Variants in NCOR2 observed in about 807,000 individuals in gnomAD.
The protein encoded by NCOR2 is nuclear receptor corepressor 2.
NCOR2 carries 81 observed loss-of-function variants against 262.9 expected under a neutral mutation model. The observed-to-expected ratio is 0.31, with a 90% CI of 0.26 to 0.37. The LOEUF is 0.37. Among genes scored for constraint, NCOR2 ranks in the 10% least tolerant of loss-of-function variants. The pLI, the probability that NCOR2 is intolerant of heterozygous loss-of-function variation, is 1.00. For synonymous variants in NCOR2, 1,659 were observed against 1,559.3 expected (o/e 1.06, Z -1.51); for missense variants, 3,385 against 3,621.4 (o/e 0.93, Z 1.68).
intron 24 of NCOR2, 66 bp downstream of exon 26, chr12:124,355,366 G>A (rs1275890010): frequency 1.9e-6 from 3 of 1,566,362 alleles, no homozygotes; most frequent in Non-Finnish European, 2.6e-6. Context: ...GACTTCATTG[G>A]TCCCATTGCC....
intron 1 of NCOR2, among the ~76,000 whole-genome samples, chr12:124,491,583 ACT>A (rs2048086315): frequency 1.3e-5 from 2 of 152,172 alleles, no homozygotes; most frequent in South Asian, 4.2e-4. Flanking sequence ...TGGGATTCAG[ACT>A]CTGTGTCCCT....
rs1353937495 is a variant in NCOR2 at position 124,481,523 on chromosome 12, A to G, written c.411+2073T>C. On this transcript the variant is annotated intron_variant, in intron 3 of 46. Transcript: ENST00000405201. The surrounding 1 kb of genome is among the most constrained non-coding windows in gnomAD (Gnocchi z 4.6). ...GCAGCCAGGGCTGGAAGGAGCGAGG[A>G]AAGAGGAATGTGCCTGGGGGAGGGC... is the stretch of plus-strand genomic sequence containing the variant. Among the ~76,000 whole-genome samples the G allele has an allele frequency of 6.6e-6, 1 of 152,072 alleles. No individual in the cohort carries two copies. Among genetic ancestry groups the G allele is most frequent in the African/African-American group, 2.4e-5 (1 of 41,396 alleles).
At chr12:124,512,764 C>A (rs1414717809) in intron 1 of NCOR2, among the ~76,000 whole-genome samples, 1 of 152,244 alleles carries the variant, frequency 6.6e-6, no homozygotes, top group African/African-American at 2.4e-5. Flanking sequence ...AGGTTTGAAC[C>A]TGGCTTTCCG....
At chr12:124,507,514 G>A (rs944300363) in intron 1 of NCOR2, among the ~76,000 whole-genome samples, 1 of 152,240 alleles carries the variant, frequency 6.6e-6, no homozygotes, top group East Asian at 1.9e-4. Context: ...CCTCAGAGCC[G>A]AGTGCAGCAT....
At chr12:124,363,419 C>G (rs1392484369) in intron 21 of NCOR2, among the ~76,000 whole-genome samples, 1 of 152,214 alleles carries the variant, frequency 6.6e-6, no homozygotes, top group East Asian at 1.9e-4. Flanking sequence ...AGTATCTAAT[C>G]TGGGGGTTCA....
intron 1 of NCOR2, chr12:124,529,829 G>C (rs1210952923): frequency 6.6e-6 from 1 of 152,268 alleles, no homozygotes; most frequent in Non-Finnish European, 1.5e-5. Flanking sequence ...TGCTGACAAG[G>C]ATGGGGAGCA....
intron 1 of NCOR2, among the ~76,000 whole-genome samples, chr12:124,567,007 G>T (rs2052264718): frequency 6.6e-6 from 1 of 152,146 alleles, no homozygotes; most frequent in Non-Finnish European, 1.5e-5. Context: ...CGCACACTGT[G>T]GGGGGCCGCT....
chr12:124,415,205 CAG>C (rs1270969763), intron 13 of NCOR2, among the ~76,000 whole-genome samples: 2 of 152,228 alleles, frequency 1.3e-5, no homozygotes, highest in Non-Finnish European at 2.9e-5. Flanking sequence ...TTGGCGCACT[CAG>C]AGACCACCAC....
intron 11 of NCOR2, 44 bp from the exon 14 acceptor site, chr12:124,422,599 C>G: frequency 6.2e-7 from 1 of 1,610,520 alleles, no homozygotes; most frequent in Non-Finnish European, 8.5e-7. Flanking sequence ...CCGAGGGGGG[C>G]TTTCCTGCGG....
upstream of NCOR2, among the ~76,000 whole-genome samples, chr12:124,496,281 G>A (rs142329182): frequency 2.1e-3 from 306 of 143,148 alleles, 2 homozygotes; most frequent in Non-Finnish European, 3.5e-3. This position sits in a 1 kb window ranked among gnomAD's most constrained non-coding sequence, Gnocchi z 4.4. Flanking sequence ...ACAGCTCCAC[G>A]CCACCTGCTG....
At chr12:124,418,489 T>C (rs1021429510) in intron 13 of NCOR2, among the ~76,000 whole-genome samples, 1 of 152,082 alleles carries the variant, frequency 6.6e-6, no homozygotes, top group Non-Finnish European at 1.5e-5. Flanking sequence ...GGGGCAGCTC[T>C]GGGGAGGGGC....
At chr12:124,325,544 A>T (rs766439355) in exon 47 of NCOR2, 9 of 1,334,724 alleles carry the variant, frequency 6.7e-6, no homozygotes, top group Non-Finnish European at 6.8e-6. Flanking sequence ...ACCCGCCTGC[A>T]GCCGCATGAT....
chr12:124,431,233 C>G (rs56992842), intron 8 of NCOR2, among the ~76,000 whole-genome samples: 3,257 of 151,014 alleles, frequency 0.022, 138 homozygotes, highest in African/African-American at 0.076. Flanking sequence ...CAGATATACA[C>G]AGGCACACGT....
chr12:124,366,329 C>T (rs2039034495), intron 20 of NCOR2, among the ~76,000 whole-genome samples: 1 of 152,190 alleles, frequency 6.6e-6, no homozygotes, highest in Admixed American at 6.5e-5. Context: ...GTGAAACAAG[C>T]TAGTCGCAGA....
chr12:124,400,501 C>T, exon 15 of NCOR2: 1 of 1,611,398 alleles, frequency 6.2e-7, no homozygotes, highest in Non-Finnish European at 8.5e-7. Flanking sequence ...CCCAGCTCAC[C>T]CAGCTCGGCG....
exon 39 of NCOR2, chr12:124,335,540 G>A (rs1472224512): frequency 6.2e-7 from 1 of 1,609,346 alleles, no homozygotes; most frequent in Admixed American, 1.7e-5. Context: ...TCTTCCAGGT[G>A]CTTGGGGAGC....
chr12:124,407,537 G>T (rs1028242455), intron 13 of NCOR2, among the ~76,000 whole-genome samples: 1 of 152,164 alleles, frequency 6.6e-6, no homozygotes, highest in Admixed American at 6.5e-5. Flanking sequence ...TGCAGGGGTC[G>T]CAGGGAGTCA....
intron 13 of NCOR2, among the ~76,000 whole-genome samples, chr12:124,406,768 C>T (rs1476569290): frequency 6.6e-6 from 1 of 152,214 alleles, no homozygotes; most frequent in African/African-American, 2.4e-5. Flanking sequence ...CCAAGAGACA[C>T]CTGCCCCCAG....
At chr12:124,361,844 T>C (rs2038612511) in intron 22 of NCOR2, among the ~76,000 whole-genome samples, 1 of 151,732 alleles carries the variant, frequency 6.6e-6, no homozygotes, top group Non-Finnish European at 1.5e-5. Flanking sequence ...AAGATGGATT[T>C]CTGGCTTTGC....
Sources: allele counts gnomAD v4.1 joint callset (sites outside exome capture counted in the v4.1 genomes callset), GRCh38; gene constraint gnomAD v4.1.1; non-coding constraint Gnocchi (gnomAD v3.1); transcripts MANE v1.5; gene names NCBI Gene and HGNC (gene_info 2026-07-23, HGNC 2026-07-21).